The following PATZ1 variants were observed in gnomAD, a reference collection of about 807,000 sequenced individuals.
PATZ1 encodes the protein POZ/BTB and AT hook containing zinc finger 1.
A neutral mutation model predicts 46.2 loss-of-function variants in PATZ1; 9 were observed. That is an observed-to-expected ratio of 0.19 (90% CI 0.12 to 0.34). The LOEUF is 0.34. Ranked by LOEUF, PATZ1 falls within the 10% of genes least tolerant of loss-of-function variation. PATZ1 has a pLI of 1.00. For synonymous variants in PATZ1, 426 were observed against 378.6 expected, an observed-to-expected ratio of 1.13 and a Z score of -1.45; for missense variants, 632 against 923.0, an observed-to-expected ratio of 0.68 and a Z score of 4.08.
chr22:31,329,666 A>G (rs1219822542), intron 3 of PATZ1, among the ~76,000 whole-genome samples: 2 of 152,080 alleles, frequency 1.3e-5, no homozygotes, highest in African/African-American at 4.8e-5. Flanking sequence ...CTCTGTCTTT[A>G]TTTTGGGGGA....
rs2049373863 is a variant in PATZ1 at position 31,326,768 on chromosome 22, G to T, written c.*123C>A. 9 of 785,628 alleles carry T rather than the reference G, an allele frequency of 1.1e-5. No homozygotes were observed. Among genetic ancestry groups the T allele is most frequent in the Non-Finnish European group, 1.6e-5 (8 of 498,238 alleles). The allele number at this position is 785,628 out of a possible 1,614,324, so 48.7% of individuals were successfully genotyped here. The stretch of plus-strand genomic sequence containing the variant: ...TGGAGAAGGAGTTGGAGTGGGGTTG[G>T]GGGGCAGTTAAAAATGAATAAAAAT... On this transcript the variant is annotated 3_prime_UTR_variant, in exon 5 of 5. Transcript: ENST00000266269.
intron 2 of PATZ1, among the ~76,000 whole-genome samples, chr22:31,342,161 G>C (rs1569028450): frequency 6.6e-6 from 1 of 152,150 alleles, no homozygotes; most frequent in Admixed American, 6.5e-5. Flanking sequence ...ACACAGGAAG[G>C]CTCAGTGGCC....
chr22:31,341,812 G>T, intron 2 of PATZ1: 1 of 753,076 alleles, frequency 1.3e-6, no homozygotes, highest in Non-Finnish European at 2.1e-6. Flanking sequence ...GCTCTGTGAT[G>T]AGAGAATCAG....
intron 2 of PATZ1, among the ~76,000 whole-genome samples, chr22:31,339,706 A>G (rs1601493621): frequency 6.6e-6 from 1 of 152,312 alleles, no homozygotes; most frequent in Middle Eastern, 3.4e-3. Flanking sequence ...ATTAAGGGCC[A>G]TGCCTGCCAG....
At chr22:31,344,193 A>G (rs2049619056) in intron 1 of PATZ1, 139 bp downstream of exon 1, 2 of 782,996 alleles carry the variant, frequency 2.6e-6, no homozygotes, top group African/African-American at 3.5e-5. Flanking sequence ...AAGGGCCCTT[A>G]AAAACACTCT....
At chr22:31,341,342 G>GGT in intron 2 of PATZ1, 1 of 1,502,340 alleles carries the variant, frequency 6.7e-7, no homozygotes, top group Non-Finnish European at 8.9e-7. Context: ...CAAAAGCAGG[G>GGT]GTCTCAGGCC....
rs764189357 is a variant in PATZ1, at chr22:31,345,360, G to C, written c.243C>G (p.Asp81Glu). The C allele has an allele frequency of 1.9e-6, 3 of 1,607,104 alleles. No individual in the cohort carries two copies. The highest frequency in any genetic ancestry group is 1.1e-5 in the South Asian group (1 of 90,608). The change falls in exon 1 of 5, where the codon GAC (aspartate) becomes GAG (glutamate). Residue 81 changes from aspartate to glutamate, a missense_variant. Asp to Glu is a conservative substitution (Grantham distance 45). Coordinates refer to ENST00000266269, the MANE Select transcript of PATZ1 (RefSeq NM_014323.3). The surrounding 1 kb of genome is among the most constrained non-coding windows in gnomAD (Gnocchi z 7.4). ...CGCCCCCTACATCAGCCGGACCCCC[G>C]TCCGCAGCTCCGCCGTCGCCCAACT... The part of the protein sequence containing the change: ...SAQLGDGGAA[D>E]GGPADVGGAT...
chr22:31,329,823 G>C (rs1389039889), intron 3 of PATZ1, among the ~76,000 whole-genome samples: 1 of 152,176 alleles, frequency 6.6e-6, no homozygotes, highest in Non-Finnish European at 1.5e-5. Context: ...AATCAGGCAG[G>C]CCGATAAAAG....
intron 2 of PATZ1, chr22:31,341,394 G>A: frequency 6.5e-7 from 1 of 1,532,032 alleles, no homozygotes; most frequent in South Asian, 1.3e-5. Context: ...CCCTCTCCAG[G>A]GAGGCCCAGG....
At chr22:31,341,256 C>G (rs772219568) in intron 2 of PATZ1, 40 of 1,402,822 alleles carry the variant, frequency 2.9e-5, no homozygotes, top group Non-Finnish European at 3.3e-5. Flanking sequence ...TTTGGGGGCT[C>G]TGACATGGGA....
intron 3 of PATZ1, chr22:31,335,455 CCTT>C (rs2049497361): frequency 2.0e-6 from 1 of 492,846 alleles, no homozygotes; most frequent in Non-Finnish European, 3.6e-6. Flanking sequence ...GAACCTCTCT[CCTT>C]CTGTTTTGAC....
chr22:31,343,192 G>A, intron 1 of PATZ1: 1 of 1,281,318 alleles, frequency 7.8e-7, no homozygotes, highest in Non-Finnish European at 9.9e-7. Flanking sequence ...ATTTGTCTCT[G>A]ATTTTGCCTC....
intron 2 of PATZ1, chr22:31,341,514 G>A (rs770566708): frequency 6.2e-7 from 1 of 1,613,876 alleles, no homozygotes; most frequent in African/African-American, 1.3e-5. Flanking sequence ...GGAGTGTGCT[G>A]GGCCCAGGTT....
At chr22:31,331,079 T>C (rs1391917644) in intron 3 of PATZ1, among the ~76,000 whole-genome samples, 1 of 152,244 alleles carries the variant, frequency 6.6e-6, no homozygotes, top group Non-Finnish European at 1.5e-5. Context: ...TCCTGTGCTA[T>C]GACCGCAGTG....
intron 3 of PATZ1, among the ~76,000 whole-genome samples, chr22:31,333,425 G>T (rs1395930670): frequency 8.0e-5 from 12 of 149,912 alleles, no homozygotes; most frequent in African/African-American, 2.9e-4. Flanking sequence ...TCTGCATTTT[G>T]ATTCCAATGT....
Position 31,327,070 on chromosome 22 carries a change from C to G in PATZ1, c.1885G>C (p.Val629Leu). The G allele has an allele frequency of 6.2e-7, 1 of 1,614,104 alleles. No homozygotes were observed. The highest frequency in any genetic ancestry group is 8.5e-7 in the Non-Finnish European group (1 of 1,179,998). ...CCCAGGGGGCCCCCGAGAGCCCGGA[C>G]ATGCACCTTCTGGATGTGTTTGTTC... Reference protein sequence around the residue: ...YLNKHIQKVHVRALGGPLGDL... With the variant: ...YLNKHIQKVHLRALGGPLGDL... The change falls in exon 5 of 5, where the codon GTC becomes CTC. Residue 629 changes from valine to leucine, a missense_variant. By Grantham distance (32) the Val-to-Leu change is conservative. This residue lies in a region of PATZ1 where 176 missense variants were observed against 249.4 expected (regional missense o/e 0.71). Coordinates refer to ENST00000266269, the MANE Select transcript of PATZ1 (RefSeq NM_014323.3). The surrounding 1 kb of genome is among the most constrained non-coding windows in gnomAD (Gnocchi z 4.2).
In PATZ1 at chr22:31,328,039, A is replaced by G. The variant is rs1275997164; in HGVS notation, c.1646-730T>C. On this transcript the variant is annotated intron_variant, in intron 4 of 4. Transcript: ENST00000266269. This position sits in a 1 kb window ranked among gnomAD's most constrained non-coding sequence, Gnocchi z 4.8. ...CCGGCCCACACTGGAGTCCTCCACC[A>G]ATCAGCAGCTTCCTGCCTGGGTCCA... 1.3e-5 allele frequency among the ~76,000 whole-genome samples: 2 copies of G among 152,170 alleles called. No homozygotes were observed. The highest frequency in any genetic ancestry group is 2.4e-5 in the African/African-American group (1 of 41,448).
In PATZ1 at chr22:31,335,871, C is replaced by T. The variant is rs1356472270; in HGVS notation, c.1336-8G>A. Reference sequence around the variant, plus strand: ...AAAAGAAGCATTGCAGGTCTGAAGGCAGAAAAGAAAATGGGATGATGTGAA... The same window carrying T: ...AAAAGAAGCATTGCAGGTCTGAAGGTAGAAAAGAAAATGGGATGATGTGAA... On this transcript the variant is annotated splice_region_variant and splice_polypyrimidine_tract_variant and intron_variant, in intron 2 of 4. Transcript: ENST00000266269. 6.2e-7 allele frequency: 1 copy of T among 1,610,510 alleles called. No homozygotes were observed. Among genetic ancestry groups the T allele is most frequent in the South Asian group, 1.1e-5 (1 of 90,990 alleles).
chr22:31,326,630 C>T lies in PATZ1; in HGVS notation c.*261G>A, dbSNP rs1209584426. 3 of 383,728 alleles carry T rather than the reference C, an allele frequency of 7.8e-6. No homozygotes were observed. The East Asian group carries it at 1.2e-4, about 16-fold the overall frequency. 23.8% of individuals were successfully genotyped at this position (383,728 alleles called of 1,614,324 possible). On this transcript the variant is annotated 3_prime_UTR_variant, in exon 5 of 5. Transcript: ENST00000266269. Reference sequence around the variant, plus strand: ...ATTAAAGAAACTGGGACTGGTTTTGCCTTGGAGGCCTATGTAGTGTTTTCT... The same window carrying T: ...ATTAAAGAAACTGGGACTGGTTTTGTCTTGGAGGCCTATGTAGTGTTTTCT...
Sources: gnomAD v4.1 joint callset for allele counts (sites outside exome capture counted in the v4.1 genomes callset) on GRCh38, gnomAD v4.1.1 for gene constraint, gnomAD v4.1.1 regional missense constraint, Gnocchi (gnomAD v3.1) non-coding constraint, MANE v1.5 for transcripts, NCBI Gene and HGNC (gene_info 2026-07-23, HGNC 2026-07-21) for gene names.